Variants in PKP2 observed in about 807,000 individuals in gnomAD.
PKP2 encodes the protein plakophilin 2, also known as plakophilin-2.
PKP2 carries 73 observed loss-of-function variants against 83.4 expected under a neutral mutation model. The observed-to-expected ratio is 0.88, with a 90% confidence interval of 0.72 to 1.06. The LOEUF (loss-of-function observed/expected upper bound fraction) is 1.06. PKP2 is among the 50% of genes least tolerant of loss of function. PKP2 has a pLI of 0.00. For synonymous variants in PKP2, 409 were observed against 430.4 expected (o/e 0.95, Z 0.62); for missense variants, 966 against 1,065.4 (o/e 0.91, Z 1.30).
rs772944101 is a variant in PKP2, at chr12:32,792,442, G to T, written c.2496C>A (p.Tyr832Ter). The change falls in exon 13 of 13, where the codon TAC becomes TAA. Residue 832 changes from tyrosine to a stop codon, truncating the protein, a stop_gained. Transcript: ENST00000340811. LOFTEE classifies it high-confidence loss of function. ...DFVNSRTAKA[Y>*]HSLKD ...ATTTTCCTCAGTCTTTAAGGGAGTG[G>T]TAGGCTTTGGCAGTCCGGCTGTTGA... 1.2e-6 allele frequency: 2 copies of T among 1,613,462 alleles called. No homozygotes were observed.
Position 32,840,996 on chromosome 12 carries a change from C to T in PKP2, c.1556+32G>A, listed in dbSNP as rs1292503461. On this transcript the variant is annotated intron_variant, in intron 6 of 12. Transcript: ENST00000340811. Reference sequence around the variant, plus strand: ...GGGGCTACCTAATTTTTTATTGCATCTTCTATCAGGGCAGGGTACAGGTAG... The same window carrying T: ...GGGGCTACCTAATTTTTTATTGCATTTTCTATCAGGGCAGGGTACAGGTAG... 5 of 1,576,320 alleles carry T rather than the reference C, an allele frequency of 3.2e-6. No individual in the cohort carries two copies. In the African/African-American group the frequency reaches 5.4e-5, roughly 17 times the overall value.
intron 9 of PKP2, among the ~76,000 whole-genome samples, chr12:32,812,316 ATCTGCCAC>A (rs1381887386): frequency 2.0e-5 from 3 of 152,072 alleles, no homozygotes; most frequent in Non-Finnish European, 4.4e-5. Context: ...ATTGCTGTAT[ATCTGCCAC>A]TCACTTCCAC....
chr12:32,883,970 A>C (rs1341023179), intron 1 of PKP2, among the ~76,000 whole-genome samples: 1 of 152,224 alleles, frequency 6.6e-6, no homozygotes, highest in African/African-American at 2.4e-5. Context: ...CAGACCATAT[A>C]AAATCAAGCT....
intron 6 of PKP2, among the ~76,000 whole-genome samples, chr12:32,825,134 G>A (rs1956423092): frequency 1.4e-5 from 2 of 147,050 alleles, no homozygotes; most frequent in Admixed American, 1.4e-4. Flanking sequence ...GCTAAGAACT[G>A]TCCCTATAAA....
At chr12:32,852,317 T>C (rs1404202670) in intron 4 of PKP2, among the ~76,000 whole-genome samples, 1 of 152,164 alleles carries the variant, frequency 6.6e-6, no homozygotes, top group East Asian at 1.9e-4. Context: ...AGGGGCAGAT[T>C]TGCATATTTT....
chr12:32,803,368 TAAAC>T lies in PKP2; in HGVS notation c.2014-816_2014-813del, dbSNP rs145781871. 4.0e-3 allele frequency among the ~76,000 whole-genome samples: 613 copies of T among 152,182 alleles called. 5 individuals are homozygous for T. The highest frequency in any genetic ancestry group is 0.032 in the South Asian group (152 of 4,812). The stretch of plus-strand genomic sequence containing the variant: ...GCCTGGGTGACAGAGTGACAGTGTC[TAAAC>T]AAACAAACAAACAAACAAACAAATG... On this transcript the variant is annotated intron_variant, in intron 9 of 12. Coordinates refer to ENST00000340811, the MANE Select transcript of PKP2 (RefSeq NM_001005242.3).
chr12:32,813,810 A>G (rs888918479), intron 9 of PKP2, among the ~76,000 whole-genome samples: 2 of 152,072 alleles, frequency 1.3e-5, no homozygotes, highest in Admixed American at 6.6e-5. Context: ...GGAGGAAGAA[A>G]ACATGTAATT....
chr12:32,889,656 A>G (rs1292367468), intron 1 of PKP2, among the ~76,000 whole-genome samples: 1 of 152,236 alleles, frequency 6.6e-6, no homozygotes, highest in African/African-American at 2.4e-5. Flanking sequence ...TGAGTATGAT[A>G]GTCACATACA....
chr12:32,890,681 G>A (rs1011378595), intron 1 of PKP2, among the ~76,000 whole-genome samples: 5 of 152,068 alleles, frequency 3.3e-5, no homozygotes, highest in African/African-American at 4.8e-5. Context: ...TACACAGGCC[G>A]GGTGCGGTGG....
In PKP2 at chr12:32,792,361, T is replaced by G; in HGVS notation, c.*63A>C. On this transcript the variant is annotated 3_prime_UTR_variant, in exon 13 of 13. Coordinates refer to ENST00000340811, the MANE Select transcript of PKP2 (RefSeq NM_001005242.3). ...TGCTTTTGAGGTTTCTTGGGCTGGG[T>G]AGTAGAAAAATAGGTGTTTTCCTTT... 5 of 1,163,086 alleles carry G rather than the reference T, an allele frequency of 4.3e-6. No homozygotes were observed. The South Asian group carries it at 6.1e-5, about 14-fold the overall frequency. The allele number at this position is 1,163,086 out of a possible 1,614,324, so 72.0% of individuals were successfully genotyped here.
At chr12:32,868,573 A>G (rs558276774) in intron 4 of PKP2, among the ~76,000 whole-genome samples, 1 of 151,640 alleles carries the variant, frequency 6.6e-6, no homozygotes, top group Non-Finnish European at 1.5e-5. Context: ...CCCAGGCTGG[A>G]GTGCAGTGGC....
chr12:32,799,916 C>A (rs1028663341), intron 10 of PKP2, among the ~76,000 whole-genome samples: 3 of 151,984 alleles, frequency 2.0e-5, no homozygotes, highest in African/African-American at 4.8e-5. Context: ...CACCTGTACC[C>A]AAAAATCTAT....
chr12:32,850,950 G>A lies in PKP2; in HGVS notation c.1194C>T (p.Leu398=). ...RKRVNQLRGI[L]KLLQLLKVQN... ...GAACTTTTAGGAGCTGCAGAAGCTT[G>A]AGGATGCCACGAAGCTGGTTAACCT... The change falls in exon 5 of 13, where the codon CTC becomes CTT. Residue 398 remains leucine, a synonymous_variant. Transcript: ENST00000340811. 6.2e-7 allele frequency: 1 copy of A among 1,614,088 alleles called. No individual in the cohort carries two copies. Among genetic ancestry groups the A allele is most frequent in the South Asian group, 1.1e-5 (1 of 91,086 alleles).
At chr12:32,831,094 T>G (rs1271976833) in intron 6 of PKP2, among the ~76,000 whole-genome samples, 1 of 152,184 alleles carries the variant, frequency 6.6e-6, no homozygotes, top group African/African-American at 2.4e-5. Flanking sequence ...AACAGCAAAC[T>G]ATAATTTTAA....
intron 6 of PKP2, among the ~76,000 whole-genome samples, chr12:32,829,453 A>G (rs1956478092): frequency 6.8e-6 from 1 of 146,878 alleles, no homozygotes; most frequent in Non-Finnish European, 1.5e-5. Flanking sequence ...GTCTCATGGC[A>G]TTGCCCAGGC....
At position 32,877,981 on chromosome 12, in the gene PKP2, G is replaced by T. The variant is rs553098424; in HGVS notation, c.899C>A (p.Thr300Lys). The change falls in exon 3 of 13, where the codon ACG becomes AAG. Residue 300 changes from threonine to lysine, a missense_variant. Transcript: ENST00000340811. ...WHQSSFHSTR[T>K]LREAGPSVAV... ...GACACTGGGCCCAGCTTCCCTCAGC[G>T]TGCGGGTGCTGTGGAAGGAGCTCTG... 24 of 1,614,050 alleles carry T rather than the reference G, an allele frequency of 1.5e-5. No homozygotes were observed. In the South Asian group the frequency reaches 2.6e-4, roughly 18 times the overall value.
intron 6 of PKP2, among the ~76,000 whole-genome samples, chr12:32,835,261 G>A (rs1956534719): frequency 6.6e-6 from 1 of 151,908 alleles, no homozygotes; most frequent in Non-Finnish European, 1.5e-5. Context: ...CACCATGTTG[G>A]GCAGGCTGCT....
intron 3 of PKP2, 105 bp downstream of exon 3, chr12:32,877,741 G>C (rs990363398): frequency 6.0e-6 from 5 of 832,956 alleles, no homozygotes; most frequent in Non-Finnish European, 1.0e-5. Context: ...ACTTATCTCT[G>C]GAAGCCCTTC....
In PKP2 at chr12:32,896,750, C is replaced by CGAGCT; in HGVS notation, c.-24_-20dup. 7.6e-7 allele frequency: 1 copy of CGAGCT among 1,319,028 alleles called. No homozygotes were observed. The highest frequency in any genetic ancestry group is 1.0e-6 in the Non-Finnish European group (1 of 994,446). The allele number at this position is 1,319,028 out of a possible 1,614,324, so 81.7% of individuals were successfully genotyped here. A position where few individuals can be genotyped will look rare whatever the true frequency, so the allele number is the denominator to read the frequency against. ...CTGCCATGGGGCCGGTGGGGGCGAC[C>CGAGCT]GAGCTGCTCGCCTGCCTCTGGACTC... On this transcript the variant is annotated 5_prime_UTR_variant, in exon 1 of 13. Coordinates refer to ENST00000340811, the MANE Select transcript of PKP2 (RefSeq NM_001005242.3).
Sources: allele counts gnomAD v4.1 joint callset (sites outside exome capture counted in the v4.1 genomes callset), GRCh38; gene constraint gnomAD v4.1.1; transcripts MANE v1.5; gene names NCBI Gene and HGNC (gene_info 2026-07-23, HGNC 2026-07-21).